The following OAS3 variants were observed in gnomAD, a reference collection of about 807,000 sequenced individuals.
OAS3 encodes 2'-5'-oligoadenylate synthase 3.
A neutral mutation model predicts 113.0 loss-of-function variants in OAS3; 107 were observed. The observed-to-expected ratio is 0.95, with a 90% CI of 0.81 to 1.11. The LOEUF (loss-of-function observed/expected upper bound fraction) is 1.11. OAS3 is among the 50% of genes most tolerant of loss of function. OAS3 has a pLI of 0.00. For missense variants in OAS3, 1,258 were observed against 1,389.1 expected (o/e 0.91, Z 1.50); for synonymous variants, 552 against 573.6 (o/e 0.96, Z 0.54).
In OAS3 at chr12:112,966,102, G is replaced by A. The variant is rs2043931511; in HGVS notation, c.2689+73G>A. 6 of 1,489,012 alleles carry A rather than the reference G, an allele frequency of 4.0e-6. No individual in the cohort carries two copies. In the Admixed American group the frequency reaches 7.0e-5, roughly 17 times the overall value. 92.2% of individuals were successfully genotyped at this position (1,489,012 alleles called of 1,614,324 possible). The stretch of plus-strand genomic sequence containing the variant: ...GCCGCCATGGGCAGTTGTAGAGGTT[G>A]CACAGTACACAACCAGGCCACATCT... On this transcript the variant is annotated intron_variant, in intron 12 of 15. Coordinates refer to ENST00000228928, the MANE Select transcript of OAS3 (RefSeq NM_006187.4).
chr12:112,952,219 TA>T (rs746540853), intron 7 of OAS3, among the ~76,000 whole-genome samples: 33 of 152,358 alleles, frequency 2.2e-4, no homozygotes, highest in Non-Finnish European at 3.5e-4. Context: ...TGGGAACATA[TA>T]AGTGCATAAT....
rs770820884 is a variant in OAS3 at position 112,940,971 on chromosome 12, C to A, written c.178-599C>A. Reference sequence around the variant, plus strand: ...TGAGCTGAGATGGTGCCACTGCACTCCAGCCTAGGCAACAGAGTAAGTCTC... The same window carrying A: ...TGAGCTGAGATGGTGCCACTGCACTACAGCCTAGGCAACAGAGTAAGTCTC... On this transcript the variant is annotated intron_variant, in intron 1 of 15. Transcript: ENST00000228928. Among the ~76,000 whole-genome samples the A allele has an allele frequency of 9.2e-5, 14 of 152,062 alleles. 1 individual carries two copies. The highest frequency in any genetic ancestry group is 2.1e-4 in the South Asian group (1 of 4,814).
chr12:112,964,197 C>T (rs1389123592), intron 10 of OAS3, 38 bp from the exon 11 acceptor site: 1 of 1,549,452 alleles, frequency 6.5e-7, no homozygotes, highest in Non-Finnish European at 8.7e-7. Flanking sequence ...CACTGGGAGT[C>T]CCGTCTCAAG....
intron 9 of OAS3, 51 bp downstream of exon 9, chr12:112,962,953 T>A: frequency 6.2e-7 from 1 of 1,602,938 alleles, no homozygotes; most frequent in Non-Finnish European, 8.5e-7. Context: ...CCCTCCCCAC[T>A]GTCACCCTGG....
At position 112,970,375 on chromosome 12, in the gene OAS3, A is replaced by G; in HGVS notation, c.*402A>G. 1 of 265,570 alleles carries G rather than the reference A, an allele frequency of 3.8e-6. No homozygotes were observed. The highest frequency in any genetic ancestry group is 7.2e-6 in the Non-Finnish European group (1 of 138,078). 16.5% of individuals were successfully genotyped at this position (265,570 alleles called of 1,614,324 possible). A position where few individuals can be genotyped will look rare whatever the true frequency, so the allele number is the denominator to read the frequency against. ...CTGCTGCAATCCATCCCTTCCTCCCATTGGCCTCTCCTTGCCAAATCTAAA... is the reference window on the plus strand; with the variant it reads ...CTGCTGCAATCCATCCCTTCCTCCCGTTGGCCTCTCCTTGCCAAATCTAAA... On this transcript the variant is annotated 3_prime_UTR_variant, in exon 16 of 16. Coordinates refer to ENST00000228928, the MANE Select transcript of OAS3 (RefSeq NM_006187.4).
intron 2 of OAS3, chr12:112,942,281 G>A (rs2043687590): frequency 1.9e-5 from 6 of 321,218 alleles, no homozygotes; most frequent in East Asian, 1.7e-4. Flanking sequence ...CGTAATACAC[G>A]TATGCTTGAG....
intron 2 of OAS3, among the ~76,000 whole-genome samples, chr12:112,943,112 T>G (rs2043694697): frequency 6.6e-6 from 1 of 152,024 alleles, no homozygotes; most frequent in South Asian, 2.1e-4. Flanking sequence ...TTTTTGTATT[T>G]TTTATAGAGA....
At chr12:112,966,060 G>A (rs769310751) in intron 12 of OAS3, 31 bp downstream of exon 12, 3 of 1,609,648 alleles carry the variant, frequency 1.9e-6, no homozygotes, top group Non-Finnish European at 2.5e-6. Flanking sequence ...CCTGAGAGGG[G>A]GAAATACAGA....
At chr12:112,943,991 C>G (rs1460366391) in intron 2 of OAS3, among the ~76,000 whole-genome samples, 1 of 152,208 alleles carries the variant, frequency 6.6e-6, no homozygotes, top group Non-Finnish European at 1.5e-5. Flanking sequence ...CAGCGCCAGG[C>G]CTGTAGTAAA....
chr12:112,942,947 C>T (rs2043692746), intron 2 of OAS3, among the ~76,000 whole-genome samples: 2 of 151,724 alleles, frequency 1.3e-5, no homozygotes, highest in African/African-American at 4.8e-5. Flanking sequence ...CACACGCACA[C>T]ACATTTTTAA....
chr12:112,964,176 G>A lies in OAS3; in HGVS notation c.2230-59G>A. 2.0e-6 allele frequency: 3 copies of A among 1,518,344 alleles called. No individual in the cohort carries two copies. In the East Asian group the frequency reaches 7.4e-5, roughly 37 times the overall value. The allele number at this position is 1,518,344 out of a possible 1,614,324, so 94.1% of individuals were successfully genotyped here. Reference sequence around the variant, plus strand: ...TCCTCAGAGGACATCAAGGGGCAGGGCTTGGGTGAGCACTGGGAGTCCCGT... The same window carrying A: ...TCCTCAGAGGACATCAAGGGGCAGGACTTGGGTGAGCACTGGGAGTCCCGT... On this transcript the variant is annotated intron_variant, in intron 10 of 15. Coordinates refer to ENST00000228928, the MANE Select transcript of OAS3 (RefSeq NM_006187.4).
intron 3 of OAS3, among the ~76,000 whole-genome samples, chr12:112,946,232 G>T (rs1305436297): frequency 1.3e-5 from 2 of 152,094 alleles, no homozygotes; most frequent in Admixed American, 1.3e-4. Flanking sequence ...CCTTGGCATG[G>T]AGTAATCCCT....
chr12:112,946,593 T>G, intron 3 of OAS3, 150 bp from the exon 4 acceptor site: 49 of 570,970 alleles, frequency 8.6e-5, no homozygotes, highest in Middle Eastern at 5.0e-4. Context: ...TGAGGGCTGG[T>G]GAGAAATGCC....
intron 12 of OAS3, 33 bp from the exon 13 acceptor site, chr12:112,967,385 C>A: frequency 6.3e-7 from 1 of 1,585,008 alleles, no homozygotes; most frequent in Non-Finnish European, 8.6e-7. Context: ...AACATGGGAG[C>A]CGGAGTGATG....
At position 112,949,069 on chromosome 12, in the gene OAS3, C is replaced by G; in HGVS notation, c.1238C>G (p.Thr413Ser). The G allele has an allele frequency of 1.2e-6, 2 of 1,614,020 alleles. No individual in the cohort carries two copies. Among genetic ancestry groups the G allele is most frequent in the Non-Finnish European group, 1.7e-6 (2 of 1,179,900 alleles). Residue 413 changes from threonine (T) to serine (S), a missense_variant, in exon 6 of 16, where the codon ACC (threonine) becomes AGC (serine). Physicochemically the swap from Thr to Ser is moderately conservative, Grantham distance 58. Transcript: ENST00000228928. ...GCCTTGGACCTGTCTCAGATCCCCA[C>G]CAAGGAGCTGGACCGCTTCATCCAG... ...GMALDLSQIP[T>S]KELDRFIQDH...
intron 7 of OAS3, among the ~76,000 whole-genome samples, chr12:112,951,824 T>C (rs2043794988): frequency 1.8e-5 from 2 of 108,692 alleles, no homozygotes; most frequent in Admixed American, 1.2e-4. Flanking sequence ...TGAAACCCCA[T>C]CTCCACTAAA....
chr12:112,962,910 C>T lies in OAS3; in HGVS notation c.2084+8C>T. 3 of 1,612,182 alleles carry T rather than the reference C, an allele frequency of 1.9e-6. 1 individual carries two copies. The South Asian group carries it at 3.3e-5, about 18-fold the overall frequency. On this transcript the variant is annotated splice_region_variant and intron_variant, in intron 9 of 15. Coordinates refer to ENST00000228928, the MANE Select transcript of OAS3 (RefSeq NM_006187.4). ...CCAGCTTCGAAAACCCAGGTGAAGA[C>T]CCGCTTCCCTTTGCCTGGCTTCATT...
chr12:112,953,746 G>C (rs1259544632), intron 7 of OAS3, among the ~76,000 whole-genome samples: 2 of 152,124 alleles, frequency 1.3e-5, no homozygotes, highest in Non-Finnish European at 2.9e-5. Context: ...CAGTGATGAT[G>C]AGCATTTTTT....
chr12:112,956,935 G>A (rs546226228), intron 7 of OAS3, among the ~76,000 whole-genome samples: 1 of 152,072 alleles, frequency 6.6e-6, no homozygotes, highest in Non-Finnish European at 1.5e-5. Context: ...TTGACAGTGG[G>A]GTGTTACAGT....
Sources: gnomAD v4.1 joint callset for allele counts (sites outside exome capture counted in the v4.1 genomes callset) on GRCh38, gnomAD v4.1.1 for gene constraint, MANE v1.5 for transcripts, NCBI Gene and HGNC (gene_info 2026-07-23, HGNC 2026-07-21) for gene names.